The following SULT1E1 variants were observed in gnomAD, a reference collection of about 807,000 sequenced individuals.
SULT1E1 encodes the protein sulfotransferase 1E1.
In SULT1E1, 36 loss-of-function variants were observed where a neutral mutation model predicts 33.6. That is an observed-to-expected ratio of 1.07 (90% CI 0.82 to 1.41). SULT1E1 has a LOEUF of 1.41. Among genes scored for constraint, SULT1E1 ranks in the 40% most tolerant of loss-of-function variants. The pLI, the probability that SULT1E1 is intolerant of heterozygous loss-of-function variation, is 0.00. For synonymous variants in SULT1E1, 121 were observed against 111.7 expected, an observed-to-expected ratio of 1.08 and a Z score of -0.53; for missense variants, 371 against 345.7, an observed-to-expected ratio of 1.07 and a Z score of -0.58.
At chr4:69,823,229 G>T in the SULT1E1 span, among the ~76,000 whole-genome samples, 2 of 152,154 alleles carry the variant, frequency 1.3e-5, no homozygotes, top group Non-Finnish European at 2.9e-5. Context: ...CACTTAATCA[G>T]GCTATGACAG....
chr4:69,844,687 G>A (rs950420675), intron 6 of SULT1E1, among the ~76,000 whole-genome samples: 1 of 151,968 alleles, frequency 6.6e-6, no homozygotes, highest in Non-Finnish European at 1.5e-5. Context: ...CAAGTTTGGG[G>A]GATAAAGATA....
chr4:69,837,116 A>G (rs17147770), downstream of SULT1E1, among the ~76,000 whole-genome samples: 3,661 of 152,006 alleles, frequency 0.024, 151 homozygotes, highest in African/African-American at 0.084. Flanking sequence ...GGTAGGGGTT[A>G]GATAGATGCA....
chr4:69,834,459 G>A, the SULT1E1 span, among the ~76,000 whole-genome samples: 2 of 152,150 alleles, frequency 1.3e-5, no homozygotes, highest in East Asian at 3.8e-4. Context: ...ATCTATTCAT[G>A]TAAACCATCA....
At chr4:69,829,013 A>T in the SULT1E1 span, among the ~76,000 whole-genome samples, 2 of 152,174 alleles carry the variant, frequency 1.3e-5, no homozygotes, top group African/African-American at 4.8e-5. Flanking sequence ...AGTCTTGTCC[A>T]AGTGTACTGT....
Position 69,847,877 on chromosome 4 carries a change from A to C in SULT1E1, c.497-85T>G, listed in dbSNP as rs547294453. The stretch of plus-strand genomic sequence containing the variant: ...TAGTGTTCAAGCAACAATAACAACA[A>C]ATAAATATAAATAGATAATCATGAA... On this transcript the variant is annotated intron_variant, in intron 5 of 7. Coordinates refer to ENST00000226444, the MANE Select transcript of SULT1E1 (RefSeq NM_005420.3). The C allele has an allele frequency of 1.6e-5, 11 of 692,990 alleles. No homozygotes were observed. The Admixed American group carries it at 2.8e-4, about 18-fold the overall frequency. 42.9% of individuals were successfully genotyped at this position (692,990 alleles called of 1,614,324 possible).
chr4:69,854,155 T>G (rs963465912), intron 4 of SULT1E1, 62 bp downstream of exon 4: 2,954 of 1,158,538 alleles, frequency 2.5e-3, no homozygotes, highest in Non-Finnish European at 3.4e-3. Flanking sequence ...GTATAACTGA[T>G]GAGATCACTC....
At chr4:69,845,212 T>C (rs752865157) in intron 6 of SULT1E1, among the ~76,000 whole-genome samples, 3 of 152,012 alleles carry the variant, frequency 2.0e-5, no homozygotes, top group African/African-American at 7.2e-5. Context: ...GATAGAATGA[T>C]TTAGTATTTG....
chr4:69,836,435 A>G (rs145871796), downstream of SULT1E1, among the ~76,000 whole-genome samples: 132 of 152,284 alleles, frequency 8.7e-4, 1 homozygote, highest in African/African-American at 3.1e-3. Context: ...CTCAGGTGCA[A>G]GTGTAGTCAA....
chr4:69,840,818 G>A (rs978371448), downstream of SULT1E1, among the ~76,000 whole-genome samples: 18 of 152,066 alleles, frequency 1.2e-4, no homozygotes, highest in Non-Finnish European at 2.1e-4. Flanking sequence ...AGGCTGAGGC[G>A]GGTGGATCAC....
the SULT1E1 span, among the ~76,000 whole-genome samples, chr4:69,833,651 C>T: frequency 6.6e-6 from 1 of 152,158 alleles, no homozygotes; most frequent in Non-Finnish European, 1.5e-5. Context: ...CCTTTTCTTG[C>T]CATTTTCCAC....
downstream of SULT1E1, among the ~76,000 whole-genome samples, chr4:69,839,027 T>C (rs1720838605): frequency 6.6e-6 from 1 of 152,238 alleles, no homozygotes; most frequent in Non-Finnish European, 1.5e-5. Context: ...CATAGTCTCA[T>C]ACTACTTCAT....
intron 4 of SULT1E1, among the ~76,000 whole-genome samples, chr4:69,851,746 TG>T (rs1721117039): frequency 6.6e-6 from 1 of 152,128 alleles, no homozygotes; most frequent in African/African-American, 2.4e-5. Flanking sequence ...AATGATAGAC[TG>T]GATTAAGAAA....
the SULT1E1 span, among the ~76,000 whole-genome samples, chr4:69,832,255 T>C: frequency 1.3e-5 from 2 of 152,196 alleles, no homozygotes; most frequent in Non-Finnish European, 2.9e-5. Flanking sequence ...CCCCTTCAGG[T>C]TGAGGTTCTC....
intron 5 of SULT1E1, 37 bp from the exon 6 acceptor site, chr4:69,847,829 C>G: frequency 7.1e-7 from 1 of 1,401,176 alleles, no homozygotes. Context: ...AAAGTGGTAT[C>G]ATCTCTAAAA....
intron 7 of SULT1E1, 137 bp downstream of exon 7, chr4:69,844,024 T>C: frequency 1.4e-6 from 1 of 724,320 alleles, no homozygotes; most frequent in Non-Finnish European, 2.4e-6. Flanking sequence ...ACTTAAAGAG[T>C]GTATTCAAAT....
rs558965684 is a variant in SULT1E1 at position 69,855,157 on chromosome 4, A to G, written c.271+144T>C. The G allele has an allele frequency of 1.9e-5, 16 of 827,872 alleles. No homozygotes were observed. In the African/African-American group the frequency reaches 2.6e-4, roughly 13 times the overall value. 51.3% of individuals were successfully genotyped at this position (827,872 alleles called of 1,614,324 possible). The stretch of plus-strand genomic sequence containing the variant: ...ATACTGCAAAGCCTGTCAAGATTTA[A>G]ATTTAAATTTAAATTTATATGCTGT... On this transcript the variant is annotated intron_variant, in intron 3 of 7. Coordinates refer to ENST00000226444, the MANE Select transcript of SULT1E1 (RefSeq NM_005420.3).
At chr4:69,821,937 C>T in the SULT1E1 span, among the ~76,000 whole-genome samples, 16 of 152,108 alleles carry the variant, frequency 1.1e-4, no homozygotes, top group Non-Finnish European at 2.9e-5. Context: ...ACTGACATAT[C>T]AGAACTATAT....
In SULT1E1 at chr4:69,857,629, C is replaced by T. The variant is rs776448035; in HGVS notation, c.16G>A (p.Asp6Asn). Residue 6 changes from aspartate to asparagine, a missense_variant, in exon 2 of 8, where the codon GAC becomes AAC. Coordinates refer to ENST00000226444, the MANE Select transcript of SULT1E1 (RefSeq NM_005420.3). ...ACTTCTTCAAACTTTTCATAATAGT[C>T]AAGTTCAGAATTCATTGTGGTACAC... MNSEL[D>N]YYEKFEEVHG... is the part of the protein sequence containing the mutation. 5 of 1,602,338 alleles carry T rather than the reference C, an allele frequency of 3.1e-6. No homozygotes were observed. The African/African-American group carries it at 4.0e-5, about 13-fold the overall frequency.
chr4:69,826,292 G>A, the SULT1E1 span, among the ~76,000 whole-genome samples: 1,927 of 152,174 alleles, frequency 0.013, 55 homozygotes, highest in African/African-American at 0.042. Context: ...ACAGGTTTTC[G>A]AGAATGTGTC....
Sources: gnomAD v4.1 joint callset for allele counts (sites outside exome capture counted in the v4.1 genomes callset) on GRCh38, gnomAD v4.1.1 for gene constraint, MANE v1.5 for transcripts, NCBI Gene and HGNC (gene_info 2026-07-23, HGNC 2026-07-21) for gene names.